Variants in MSH3 observed in about 807,000 individuals in gnomAD.
MSH3 encodes the protein mutS homolog 3.
A neutral mutation model predicts 123.3 loss-of-function variants in MSH3; 106 were observed. The ratio of observed to expected loss-of-function variants is 0.86; its 90% CI spans 0.73 to 1.01. The LOEUF (loss-of-function observed/expected upper bound fraction) is 1.01, where lower values mean the gene tolerates loss of function less well. Among genes scored for constraint, MSH3 ranks in the 50% least tolerant of loss-of-function variants. MSH3 has a pLI of 0.00. For synonymous variants in MSH3, 515 were observed against 481.4 expected (o/e 1.07, Z -0.91); for missense variants, 1,459 against 1,347.6 (o/e 1.08, Z -1.29).
intron 17 of MSH3, among the ~76,000 whole-genome samples, chr5:80,784,292 G>A (rs999014398): frequency 6.8e-6 from 1 of 147,708 alleles, no homozygotes; most frequent in Non-Finnish European, 1.5e-5. Flanking sequence ...GAATAACAAG[G>A]CAAAGTCAGT....
At chr5:80,857,368 C>A (rs1472015758) in intron 21 of MSH3, among the ~76,000 whole-genome samples, 1 of 152,044 alleles carries the variant, frequency 6.6e-6, no homozygotes. Flanking sequence ...CTTATAATGT[C>A]TTTGGTTTTA....
chr5:80,654,996 CG>C, intron 1 of MSH3, 32 bp downstream of exon 1: 1 of 1,233,398 alleles, frequency 8.1e-7, no homozygotes, highest in Non-Finnish European at 1.1e-6. Flanking sequence ...GCAGGGCCAT[CG>C]GGGCTGGGGG....
intron 22 of MSH3, among the ~76,000 whole-genome samples, chr5:80,866,576 T>C (rs1746102288): frequency 6.6e-6 from 1 of 152,212 alleles, no homozygotes; most frequent in Admixed American, 6.5e-5. Context: ...ACTTCCCCTT[T>C]CTGTTGTATT....
chr5:80,664,968 T>C (rs1290774798), intron 2 of MSH3, among the ~76,000 whole-genome samples, 175 bp from the exon 3 acceptor site: 1 of 152,230 alleles, frequency 6.6e-6, no homozygotes, highest in Admixed American at 6.5e-5. Context: ...GTGTTTAATA[T>C]GCCATCTTTA....
At chr5:80,731,095 G>A (rs1743404356) in intron 10 of MSH3, among the ~76,000 whole-genome samples, 1 of 151,430 alleles carries the variant, frequency 6.6e-6, no homozygotes, top group African/African-American at 2.4e-5. Context: ...GTAGAGACAG[G>A]GTTTCACCAT....
intron 13 of MSH3, among the ~76,000 whole-genome samples, chr5:80,766,261 T>C (rs780096905): frequency 1.3e-5 from 2 of 151,950 alleles, no homozygotes; most frequent in African/African-American, 2.4e-5. Context: ...GTCTTTTAAG[T>C]CAATTACTGT....
At chr5:80,742,858 G>A (rs987828828) in intron 11 of MSH3, among the ~76,000 whole-genome samples, 11 of 152,154 alleles carry the variant, frequency 7.2e-5, no homozygotes, top group African/African-American at 1.2e-4. Flanking sequence ...CATTGTAAGC[G>A]TTCCCTGCTT....
In MSH3 at chr5:80,775,671, CTGTT is replaced by C. The variant is rs1744284898; in HGVS notation, c.2254-21_2254-18del. ...ATATAATGGTTACTTATCTAAATCT[CTGTT>C]TATTTGTATTTGTTTTAGTTTATGA... On this transcript the variant is annotated intron_variant, in intron 15 of 23. Coordinates refer to ENST00000265081, the MANE Select transcript of MSH3 (RefSeq NM_002439.5). 7.6e-7 allele frequency: 1 copy of C among 1,313,500 alleles called. No homozygotes were observed. The highest frequency in any genetic ancestry group is 1.7e-5 in the Admixed American group (1 of 59,122). 81.4% of individuals were successfully genotyped at this position (1,313,500 alleles called of 1,614,324 possible).
intron 19 of MSH3, among the ~76,000 whole-genome samples, chr5:80,797,715 A>G (rs988409348): frequency 2.6e-5 from 4 of 152,204 alleles, no homozygotes; most frequent in African/African-American, 9.6e-5. Flanking sequence ...TCACACAGAA[A>G]ATGATAGTAT....
At chr5:80,820,213 C>G (rs1745182217) in intron 20 of MSH3, among the ~76,000 whole-genome samples, 1 of 152,166 alleles carries the variant, frequency 6.6e-6, no homozygotes, top group South Asian at 2.1e-4. Context: ...AGCCATAAAT[C>G]TGGTTCAAAG....
At chr5:80,715,757 G>T (rs1750947233) in intron 8 of MSH3, among the ~76,000 whole-genome samples, 1 of 152,016 alleles carries the variant, frequency 6.6e-6, no homozygotes, top group African/African-American at 2.4e-5. Flanking sequence ...AGGGGGAGGT[G>T]CCATACACTT....
At chr5:80,794,903 T>A (rs1744671282) in intron 19 of MSH3, among the ~76,000 whole-genome samples, 2 of 152,220 alleles carry the variant, frequency 1.3e-5, no homozygotes, top group Non-Finnish European at 2.9e-5. Context: ...ACATGGTCCA[T>A]GGTTGGATGT....
At chr5:80,840,190 A>G (rs1451188531) in intron 20 of MSH3, among the ~76,000 whole-genome samples, 2 of 152,150 alleles carry the variant, frequency 1.3e-5, no homozygotes, top group Non-Finnish European at 2.9e-5. Context: ...AATGGAATGC[A>G]TTATTGTGAT....
chr5:80,772,159 G>A (rs1166325644), intron 15 of MSH3, among the ~76,000 whole-genome samples: 2 of 151,912 alleles, frequency 1.3e-5, no homozygotes, highest in Non-Finnish European at 2.9e-5. Flanking sequence ...GTACTGATAA[G>A]TATTATTATT....
intron 20 of MSH3, among the ~76,000 whole-genome samples, chr5:80,840,353 T>A (rs777836687): frequency 2.0e-5 from 3 of 152,200 alleles, no homozygotes; most frequent in Non-Finnish European, 2.9e-5. Flanking sequence ...TCTTCATTTC[T>A]ATCCAGCTTT....
intron 20 of MSH3, among the ~76,000 whole-genome samples, chr5:80,841,311 A>G (rs1288671808): frequency 6.6e-6 from 1 of 152,168 alleles, no homozygotes; most frequent in Non-Finnish European, 1.5e-5. Flanking sequence ...TCATTGATGG[A>G]CATTTGGGTT....
intron 13 of MSH3, among the ~76,000 whole-genome samples, chr5:80,763,690 A>G (rs193151896): frequency 6.6e-6 from 1 of 152,236 alleles, no homozygotes; most frequent in African/African-American, 2.4e-5. Context: ...GCACAAAGTC[A>G]AAGTGTCCAT....
intron 12 of MSH3, among the ~76,000 whole-genome samples, chr5:80,750,413 T>A (rs1409508450): frequency 6.6e-6 from 1 of 152,172 alleles, no homozygotes; most frequent in African/African-American, 2.4e-5. Flanking sequence ...TCATCTTTTT[T>A]AATAAAAACT....
chr5:80,735,064 G>A (rs192175452), intron 10 of MSH3, among the ~76,000 whole-genome samples: 249 of 152,236 alleles, frequency 1.6e-3, no homozygotes, highest in African/African-American at 5.8e-3. Context: ...GAGGGAGGCT[G>A]GAGAAAAACA....
Sources: gnomAD v4.1 joint callset for allele counts (sites outside exome capture counted in the v4.1 genomes callset) on GRCh38, gnomAD v4.1.1 for gene constraint, MANE v1.5 for transcripts, NCBI Gene and HGNC (gene_info 2026-07-23, HGNC 2026-07-21) for gene names.